Variants in UBQLN2 observed in about 807,000 individuals in gnomAD.
UBQLN2 encodes ubiquilin-2.
Under a neutral mutation model 22.2 loss-of-function variants are expected in UBQLN2, and 2 were observed. The ratio of observed to expected loss-of-function variants is 0.09; its 90% confidence interval spans 0.04 to 0.28. UBQLN2 has a LOEUF of 0.28. Among genes scored for constraint, UBQLN2 ranks in the 10% least tolerant of loss-of-function variants. UBQLN2 has a pLI of 1.00. For synonymous variants in UBQLN2, 252 were observed against 206.7 expected (o/e 1.22, Z -1.88); for missense variants, 446 against 505.1 (o/e 0.88, Z 1.12).
Position 56,564,004 on chromosome X carries a change from A to G in UBQLN2, c.131A>G (p.Glu44Gly). The G allele has an allele frequency of 8.5e-7, 1 of 1,176,208 alleles. No individual in the cohort carries two copies. ...KVTVKTPKEK[E>G]EFAVPENSSV... ...ACGGTGAAGACTCCCAAAGAGAAAG[A>G]GGAGTTCGCGGTGCCCGAGAACAGC... The change falls in exon 1 of 1, where the codon GAG becomes GGG. Residue 44 changes from glutamate (E) to glycine (G), a missense_variant. By Grantham distance (98) the Glu-to-Gly change is moderately conservative. Around this residue, in one of 3 missense-constraint regions of UBQLN2, gnomAD observed 129 missense variants for 198.1 expected, o/e 0.65. Coordinates refer to ENST00000338222, the MANE Select transcript of UBQLN2 (RefSeq NM_013444.4).
In UBQLN2 at chrX:56,567,402, TATTG is replaced by T. The variant is rs1261873097; in HGVS notation, c.*1656_*1659del. ...TTAATAGATTCTTCCCCCAAAAATA[TATTG>T]AGAATTTGGTTGGGATTCTCTTAAA... On this transcript the variant is annotated 3_prime_UTR_variant, in exon 1 of 1. Transcript: ENST00000338222. 1 of 123,308 alleles carries T rather than the reference TATTG, an allele frequency of 8.1e-6. No homozygotes were observed. The highest frequency in any genetic ancestry group is 1.9e-5 in the Non-Finnish European group (1 of 53,196). 10.2% of individuals were successfully genotyped at this position (123,308 alleles called of 1,213,427 possible).
rs1569254388 is a variant in UBQLN2 at position 56,565,160 on chromosome X, G to T, written c.1287G>T (p.Gln429His). 1 of 1,211,836 alleles carries T rather than the reference G, an allele frequency of 8.3e-7. No individual in the cohort carries two copies. The highest frequency in any genetic ancestry group is 1.1e-6 in the Non-Finnish European group (1 of 895,328). ...NPQLQEQMRP[Q>H]LPAFLQQMQN... ...AGCTGCAGGAGCAGATGCGGCCACA[G>T]CTCCCAGCCTTCCTGCAGCAGATGC... Residue 429 changes from glutamine (Q) to histidine (H), a missense_variant, in exon 1 of 1, where the codon CAG (glutamine) becomes CAT (histidine). By Grantham distance (24) the Gln-to-His change is conservative. Around this residue, in one of 3 missense-constraint regions of UBQLN2, gnomAD observed 278 missense variants for 279.4 expected, o/e 1.00. Transcript: ENST00000338222.
rs757231222 is a variant in UBQLN2 at position 56,564,679 on chromosome X, G to A, written c.806G>A (p.Arg269Gln). 2.5e-6 allele frequency: 3 copies of A among 1,208,802 alleles called. No homozygotes were observed. Among genetic ancestry groups the A allele is most frequent in the Non-Finnish European group, 2.2e-6 (2 of 894,529 alleles). Residue 269 changes from arginine (R) to glutamine (Q), a missense_variant, in exon 1 of 1, where the codon CGG (arginine) becomes CAG (glutamine). Transcript: ENST00000338222. Reference sequence around the variant, plus strand: ...ATCCCAGGTGGCTATAATGCTTTACGGCGCATGTACACTGACATTCAAGAG... The same window carrying A: ...ATCCCAGGTGGCTATAATGCTTTACAGCGCATGTACACTGACATTCAAGAG... ...ESIPGGYNAL[R>Q]RMYTDIQEPM... is the part of the protein sequence containing the mutation.
In UBQLN2 at chrX:56,564,962, C is replaced by T. The variant is rs188456261; in HGVS notation, c.1089C>T (p.Ile363=). 5.0e-6 allele frequency: 6 copies of T among 1,210,117 alleles called. No individual in the cohort carries two copies. Among genetic ancestry groups the T allele is most frequent in the Middle Eastern group, 2.3e-4 (1 of 4,353 alleles). The change falls in exon 1 of 1, where the codon ATC becomes ATT. Residue 363 remains isoleucine (I), a synonymous_variant. Coordinates refer to ENST00000338222, the MANE Select transcript of UBQLN2 (RefSeq NM_013444.4). ...TVAAANYVAS[I]FSTPGMQSLL... ...CTGCCGCTAATTATGTCGCCAGCAT[C>T]TTTAGTACCCCAGGCATGCAGAGCC...
chrX:56,563,797 C>T lies in UBQLN2; in HGVS notation c.-77C>T, dbSNP rs2068627298. The T allele has an allele frequency of 2.4e-6, 2 of 845,185 alleles. No homozygotes were observed. Among genetic ancestry groups the T allele is most frequent in the Non-Finnish European group, 3.3e-6 (2 of 601,552 alleles). 69.7% of individuals were successfully genotyped at this position (845,185 alleles called of 1,213,427 possible). On this transcript the variant is annotated 5_prime_UTR_variant, in exon 1 of 1. Coordinates refer to ENST00000338222, the MANE Select transcript of UBQLN2 (RefSeq NM_013444.4). ...GCCCAGCCCGCTGCGGCGGTGCCTC[C>T]TTCCTTCCTCCTTCCCTCGCGCTCT...
rs933237415 is a variant in UBQLN2, at chrX:56,567,638, T to C, written c.*1890T>C. 3 of 123,258 alleles carry C rather than the reference T, an allele frequency of 2.4e-5. 1 individual carries two copies. The highest frequency in any genetic ancestry group is 9.5e-5 in the Admixed American group (1 of 10,556). 10.2% of individuals were successfully genotyped at this position (123,258 alleles called of 1,213,427 possible). On this transcript the variant is annotated 3_prime_UTR_variant, in exon 1 of 1. Transcript: ENST00000338222. Reference sequence around the variant, plus strand: ...TAATATGTTACCTATGTGGTCATTTTTGCTATATAGGAGAAGAATTTATTT... The same window carrying C: ...TAATATGTTACCTATGTGGTCATTTCTGCTATATAGGAGAAGAATTTATTT...
Position 56,564,865 on chromosome X carries a change from C to G in UBQLN2, c.992C>G (p.Thr331Ser). 3.3e-6 allele frequency: 4 copies of G among 1,211,469 alleles called. No homozygotes were observed. Among genetic ancestry groups the G allele is most frequent in the Admixed American group, 2.2e-5 (1 of 46,045 alleles). The change falls in exon 1 of 1, where the codon ACT becomes AGT. Residue 331 changes from threonine (T) to serine (S), a missense_variant. Transcript: ENST00000338222. Reference protein sequence around the residue: ...APPPATQSSATTSTTTSTGSG... With the variant: ...APPPATQSSASTSTTTSTGSG... ...CCGCCAGCTACCCAGAGTTCTGCAACTACCAGCACGACCACAAGCACTGGT... is the reference window on the plus strand; with the variant it reads ...CCGCCAGCTACCCAGAGTTCTGCAAGTACCAGCACGACCACAAGCACTGGT...
rs2068629902 is a variant in UBQLN2, at chrX:56,564,220, G to A, written c.347G>A (p.Ser116Asn). The change falls in exon 1 of 1, where the codon AGC (serine) becomes AAC (asparagine). Residue 116 changes from serine (S) to asparagine (N), a missense_variant. Physicochemically the swap from Ser to Asn is conservative, Grantham distance 46. Coordinates refer to ENST00000338222, the MANE Select transcript of UBQLN2 (RefSeq NM_013444.4). ...CCTCAGGGCCAGTCCACGCAGCCTA[G>A]CAATGCCGCGGGAACTAACACTACC... ...NRPQGQSTQP[S>N]NAAGTNTTSA... 1.7e-6 allele frequency: 2 copies of A among 1,211,434 alleles called. No individual in the cohort carries two copies. Among genetic ancestry groups the A allele is most frequent in the Admixed American group, 2.2e-5 (1 of 46,047 alleles).
At position 56,564,631 on chromosome X, in the gene UBQLN2, T is replaced by C; in HGVS notation, c.758T>C (p.Leu253Pro). ...MMQEMMRNQD[L>P]ALSNLESIPG... Reference sequence around the variant, plus strand: ...CAAGAGATGATGAGAAATCAAGACCTGGCTCTTAGCAATCTAGAAAGCATC... The same window carrying C: ...CAAGAGATGATGAGAAATCAAGACCCGGCTCTTAGCAATCTAGAAAGCATC... The change falls in exon 1 of 1, where the codon CTG becomes CCG. Residue 253 changes from leucine to proline, a missense_variant. Transcript: ENST00000338222. 1 of 1,210,923 alleles carries C rather than the reference T, an allele frequency of 8.3e-7. No individual in the cohort carries two copies. Among genetic ancestry groups the C allele is most frequent in the Non-Finnish European group, 1.1e-6 (1 of 894,956 alleles).
In UBQLN2 at chrX:56,565,331, A is replaced by G; in HGVS notation, c.1458A>G (p.Gly486=). 8.3e-7 allele frequency: 1 copy of G among 1,210,055 alleles called. No homozygotes were observed. The highest frequency in any genetic ancestry group is 1.1e-6 in the Non-Finnish European group (1 of 894,454). ...FTPGVGVGVL[G]TAIGPVGPVT... ...CAGGTGTGGGGGTGGGGGTGCTGGG[A>G]ACCGCTATAGGCCCTGTAGGCCCAG... The change falls in exon 1 of 1, where the codon GGA becomes GGG. Residue 486 remains glycine, a synonymous_variant. Transcript: ENST00000338222.
Position 56,564,834 on chromosome X carries a change from G to T in UBQLN2, c.961G>T (p.Ala321Ser). The T allele has an allele frequency of 2.5e-6, 3 of 1,210,987 alleles. No homozygotes were observed. The highest frequency in any genetic ancestry group is 2.2e-6 in the Non-Finnish European group (2 of 895,273). ...TCGCGATCCACTACCCAATCCATGG[G>T]CACCACCGCCAGCTACCCAGAGTTC... ...ENRDPLPNPW[A>S]PPPATQSSAT... The change falls in exon 1 of 1, where the codon GCA (alanine) becomes TCA (serine). Residue 321 changes from alanine (A) to serine (S), a missense_variant. Physicochemically the swap from Ala to Ser is moderately conservative, Grantham distance 99. This residue lies in a region of UBQLN2 where 278 missense variants were observed against 279.4 expected (regional missense o/e 1.00). Transcript: ENST00000338222.
Position 56,564,269 on chromosome X carries a change from C to T in UBQLN2, c.396C>T (p.Asn132=), listed in dbSNP as rs765866187. 5.0e-6 allele frequency: 6 copies of T among 1,211,381 alleles called. No individual in the cohort carries two copies. The East Asian group carries it at 1.2e-4, about 24-fold the overall frequency. ...CCTCGGCGTCGACTCCCAGGAGTAA[C>T]TCCACACCTATTTCCACAAATAGCA... ...NTTSASTPRS[N]STPISTNSNP... The change falls in exon 1 of 1, where the codon AAC becomes AAT. Residue 132 remains asparagine (N), a synonymous_variant. Transcript: ENST00000338222.
rs1374614147 is a variant in UBQLN2, at chrX:56,567,350, G to A, written c.*1602G>A. 8.2e-6 allele frequency: 1 copy of A among 122,666 alleles called. No homozygotes were observed. Among genetic ancestry groups the A allele is most frequent in the African/African-American group, 3.3e-5 (1 of 30,672 alleles). 10.1% of individuals were successfully genotyped at this position (122,666 alleles called of 1,213,427 possible). ...TACAATATTCTGACGATTCTGACATGTTTATTTTACCAGATGAATTTTACA... is the reference window on the plus strand; with the variant it reads ...TACAATATTCTGACGATTCTGACATATTTATTTTACCAGATGAATTTTACA... On this transcript the variant is annotated 3_prime_UTR_variant, in exon 1 of 1. Transcript: ENST00000338222.
rs771236062 is a variant in UBQLN2, at chrX:56,563,930, G to C, written c.57G>C (p.Ala19=). Residue 19 remains alanine (A), a synonymous_variant, in exon 1 of 1, where the codon GCG becomes GCC. Coordinates refer to ENST00000338222, the MANE Select transcript of UBQLN2 (RefSeq NM_013444.4). ...GPPRPSRGPA[A]AQGSAAAPAE... ...CGCGCCCCTCCCGCGGCCCTGCTGC[G>C]GCCCAAGGCTCGGCTGCTGCCCCGG... The C allele has an allele frequency of 3.5e-6, 4 of 1,155,711 alleles. No individual in the cohort carries two copies. Among genetic ancestry groups the C allele is most frequent in the Non-Finnish European group, 4.6e-6 (4 of 865,803 alleles).
chrX:56,566,283 T>G lies in UBQLN2; in HGVS notation c.*535T>G, dbSNP rs1292804060. On this transcript the variant is annotated 3_prime_UTR_variant, in exon 1 of 1. Coordinates refer to ENST00000338222, the MANE Select transcript of UBQLN2 (RefSeq NM_013444.4). ...AGCTCTCTAATTTGTGGTACGATAT[T>G]GCTTATTGTGACTTTGGCATGTATT... 2 of 139,760 alleles carry G rather than the reference T, an allele frequency of 1.4e-5. No homozygotes were observed. Among genetic ancestry groups the G allele is most frequent in the African/African-American group, 6.4e-5 (2 of 31,085 alleles). 11.5% of individuals were successfully genotyped at this position (139,760 alleles called of 1,213,427 possible).
At position 56,564,785 on chromosome X, in the gene UBQLN2, TACGCAGCCTTCCCGC is replaced by T. The variant is rs1224975843; in HGVS notation, c.915_929del (p.Gln306_Thr310del). ...GGAGTAGTTCCTCCTCTGGGGAAGG[TACGCAGCCTTCCCGC>T]ACAGAAAATCGCGATCCACTACCCA... On this transcript the variant is annotated inframe_deletion, in exon 1 of 1. Coordinates refer to ENST00000338222, the MANE Select transcript of UBQLN2 (RefSeq NM_013444.4). 8.3e-7 allele frequency: 1 copy of T among 1,208,704 alleles called. No homozygotes were observed. Among genetic ancestry groups the T allele is most frequent in the Non-Finnish European group, 1.1e-6 (1 of 894,765 alleles).
Position 56,565,960 on chromosome X carries a change from T to TCCTCTTGTCTCCCCACTCCCTC in UBQLN2, c.*219_*240dup. ...TTTGCTTATTTTTCCTACCTTCCCT[T>TCCTCTTGTCTCCCCACTCCCTC]CCTCTTGTCTCCCCACTCCCTCCCT... On this transcript the variant is annotated 3_prime_UTR_variant, in exon 1 of 1. Coordinates refer to ENST00000338222, the MANE Select transcript of UBQLN2 (RefSeq NM_013444.4). 2.2e-6 allele frequency: 1 copy of TCCTCTTGTCTCCCCACTCCCTC among 453,304 alleles called. No homozygotes were observed. The allele number at this position is 453,304 out of a possible 1,213,427, so 37.4% of individuals were successfully genotyped here. A position where few individuals can be genotyped will look rare whatever the true frequency, so the allele number is the denominator to read the frequency against.
In UBQLN2 at chrX:56,565,874, T is replaced by C. The variant is rs2068640088; in HGVS notation, c.*126T>C. 4.3e-6 allele frequency: 3 copies of C among 705,597 alleles called. No individual in the cohort carries two copies. The highest frequency in any genetic ancestry group is 6.5e-6 in the Non-Finnish European group (3 of 461,523). The allele number at this position is 705,597 out of a possible 1,213,427, so 58.1% of individuals were successfully genotyped here. A position where few individuals can be genotyped will look rare whatever the true frequency, so the allele number is the denominator to read the frequency against. ...TCTTTTAAATCTGTCTAGTTGTAAG[T>C]CTAATATGATGCATTTTAAGATGGA... On this transcript the variant is annotated 3_prime_UTR_variant, in exon 1 of 1. Transcript: ENST00000338222.
Position 56,563,908 on chromosome X carries a change from G to T in UBQLN2, c.35G>T (p.Arg12Leu), listed in dbSNP as rs1301101998. ...AATGGCGAGAGCAGCGGCCCCCCGC[G>T]CCCCTCCCGCGGCCCTGCTGCGGCC... is the stretch of plus-strand genomic sequence containing the variant. Reference protein sequence around the residue: ...AENGESSGPPRPSRGPAAAQG... With the variant: ...AENGESSGPPLPSRGPAAAQG... The change falls in exon 1 of 1, where the codon CGC (arginine) becomes CTC (leucine). Residue 12 changes from arginine to leucine, a missense_variant. Arg to Leu is a moderately radical substitution (Grantham distance 102). Coordinates refer to ENST00000338222, the MANE Select transcript of UBQLN2 (RefSeq NM_013444.4). The T allele has an allele frequency of 1.7e-6, 2 of 1,149,145 alleles. No homozygotes were observed. Among genetic ancestry groups the T allele is most frequent in the East Asian group, 3.1e-5 (1 of 31,875 alleles). The allele number at this position is 1,149,145 out of a possible 1,213,427, so 94.7% of individuals were successfully genotyped here.
Sources: gnomAD v4.1 joint callset for allele counts on GRCh38, gnomAD v4.1.1 for gene constraint, gnomAD v4.1.1 regional missense constraint, MANE v1.5 for transcripts, NCBI Gene and HGNC (gene_info 2026-07-23, HGNC 2026-07-21) for gene names.